KCNN3: variants seen among roughly 807,000 people sequenced by gnomAD.
KCNN3 encodes the protein small conductance calcium-activated potassium channel protein 3.
Under a neutral mutation model 62.9 loss-of-function variants are expected in KCNN3, and 16 were observed. The ratio of observed to expected loss-of-function variants is 0.25; its 90% CI spans 0.17 to 0.39. The LOEUF is 0.39. KCNN3 is among the 10% of genes least tolerant of loss of function. The pLI, the probability that KCNN3 is intolerant of heterozygous loss-of-function variation, is 1.00. For synonymous variants in KCNN3, 370 were observed against 389.2 expected, an observed-to-expected ratio of 0.95 and a Z score of 0.58; for missense variants, 599 against 949.4, an observed-to-expected ratio of 0.63 and a Z score of 4.85.
intron 5 of KCNN3, among the ~76,000 whole-genome samples, chr1:154,720,191 C>T (rs909363795): frequency 6.6e-6 from 1 of 152,300 alleles, no homozygotes; most frequent in East Asian, 1.9e-4. Flanking sequence ...CGGGGGCCCA[C>T]CCTCGCCCCT....
At chr1:154,829,044 T>C (rs1165419318) in intron 1 of KCNN3, among the ~76,000 whole-genome samples, 1 of 152,232 alleles carries the variant, frequency 6.6e-6, no homozygotes, top group African/African-American at 2.4e-5. Context: ...CTGCTGAGCC[T>C]GAATCCCATC....
intron 1 of KCNN3, among the ~76,000 whole-genome samples, chr1:154,839,186 C>T (rs989651821): frequency 6.6e-6 from 1 of 152,188 alleles, no homozygotes; most frequent in African/African-American, 2.4e-5. Flanking sequence ...GAAATGAGTG[C>T]ATAACCACGT....
At chr1:154,843,885 G>A (rs1056420974) in intron 1 of KCNN3, among the ~76,000 whole-genome samples, 1 of 152,216 alleles carries the variant, frequency 6.6e-6, no homozygotes, top group Non-Finnish European at 1.5e-5. Flanking sequence ...TGGACATGGA[G>A]GGGCGGCTGT....
Position 154,697,741 on chromosome 1 carries a change from TC to T in KCNN3, c.*10234del, listed in dbSNP as rs1699768896. The T allele has an allele frequency of 6.6e-6, 1 of 152,212 alleles. No individual in the cohort carries two copies. The highest frequency in any genetic ancestry group is 2.4e-5 in the African/African-American group (1 of 41,442). 9.4% of individuals were successfully genotyped at this position (152,212 alleles called of 1,614,324 possible). A position where few individuals can be genotyped will look rare whatever the true frequency, so the allele number is the denominator to read the frequency against. ...TCTGGACACATGTGGTCAATACACATCCTGGATCTTACAAATCCAATGGTGG... is the reference window on the plus strand; with the variant it reads ...TCTGGACACATGTGGTCAATACACATCTGGATCTTACAAATCCAATGGTGG... On this transcript the variant is annotated 3_prime_UTR_variant, in exon 8 of 8. Coordinates refer to ENST00000271915, the MANE Select transcript of KCNN3 (RefSeq NM_002249.6).
At chr1:154,760,268 T>C (rs1647938279) in intron 3 of KCNN3, among the ~76,000 whole-genome samples, 1 of 150,932 alleles carries the variant, frequency 6.6e-6, no homozygotes, top group African/African-American at 2.4e-5. Flanking sequence ...AATATAAAAG[T>C]ACGAAAAAAA....
At position 154,714,986 on chromosome 1, in the gene KCNN3, G is replaced by A; in HGVS notation, c.1719C>T (p.Ala573=). 6.2e-7 allele frequency: 1 copy of A among 1,613,648 alleles called. No homozygotes were observed. Among genetic ancestry groups the A allele is most frequent in the South Asian group, 1.1e-5 (1 of 91,080 alleles). Residue 573 remains alanine, a synonymous_variant, in exon 6 of 8, where the codon GCC becomes GCT. Transcript: ENST00000271915. ...TTAACCATGTTTCCCGAAGGACATT[G>A]GCTGCAGCATTCTTGATCTAAGGAA... ...QLTKRIKNAA[A]NVLRETWLIY...
chr1:154,838,836 T>G (rs1175557873), intron 1 of KCNN3, among the ~76,000 whole-genome samples: 1 of 152,118 alleles, frequency 6.6e-6, no homozygotes, highest in African/African-American at 2.4e-5. Context: ...CCCAGCACCT[T>G]GCACAGTGCC....
chr1:154,772,055 G>A lies in KCNN3; in HGVS notation c.1368C>T (p.Thr456=). ...NTRFVMKTLM[T]ICPGTVLLVF... ...CGAGCAGCACAGTGCCAGGGCAGAT[G>A]GTCATGAGCGTCTTCATGACAAAGC... The change falls in exon 3 of 8, where the codon ACC becomes ACT. Residue 456 remains threonine, a synonymous_variant. Transcript: ENST00000271915. This position sits in a 1 kb window ranked among gnomAD's most constrained non-coding sequence, Gnocchi z 5.6. The A allele has an allele frequency of 6.2e-6, 10 of 1,614,156 alleles. No homozygotes were observed. The highest frequency in any genetic ancestry group is 8.5e-6 in the Non-Finnish European group (10 of 1,180,024).
At chr1:154,751,449 C>T (rs1384794339) in intron 3 of KCNN3, among the ~76,000 whole-genome samples, 1 of 152,194 alleles carries the variant, frequency 6.6e-6, no homozygotes, top group Non-Finnish European at 1.5e-5. Context: ...CCAGTGGAAA[C>T]CACCTAGCAG....
At chr1:154,801,171 G>A (rs113328528) in intron 2 of KCNN3, among the ~76,000 whole-genome samples, 10 of 152,186 alleles carry the variant, frequency 6.6e-5, no homozygotes, top group South Asian at 2.1e-4. Flanking sequence ...ACAGGAGGCC[G>A]TTCAATTTTA....
intron 6 of KCNN3, among the ~76,000 whole-genome samples, chr1:154,714,129 G>T: frequency 7.1e-6 from 1 of 141,198 alleles, no homozygotes; most frequent in East Asian, 2.3e-4. Context: ...TGTGTGGGTT[G>T]TGTGTGTGGT....
At chr1:154,714,155 GTA>G (rs1491197185) in intron 6 of KCNN3, among the ~76,000 whole-genome samples, 2,082 of 130,060 alleles carry the variant, frequency 0.016, no homozygotes, top group Non-Finnish European at 0.019. Context: ...TGTGTGGTAT[GTA>G]TGGTGTGTGT....
At chr1:154,820,147 G>A (rs745393721) in intron 2 of KCNN3, among the ~76,000 whole-genome samples, 10 of 152,222 alleles carry the variant, frequency 6.6e-5, no homozygotes, top group Non-Finnish European at 1.3e-4. Flanking sequence ...ACCCAGCCAG[G>A]TTCTGGGCTG....
chr1:154,760,016 C>G (rs891501108), intron 3 of KCNN3, among the ~76,000 whole-genome samples: 2 of 151,476 alleles, frequency 1.3e-5, no homozygotes, highest in Non-Finnish European at 2.9e-5. Context: ...TCTTTTCCTT[C>G]TTTCTTTCTT....
chr1:154,783,375 G>A (rs1345534815), intron 2 of KCNN3, among the ~76,000 whole-genome samples: 1 of 152,218 alleles, frequency 6.6e-6, no homozygotes, highest in African/African-American at 2.4e-5. Context: ...ATCGTTATCT[G>A]TAATCTAGAC....
At position 154,798,308 on chromosome 1, in the gene KCNN3, C is replaced by T. The variant is rs939635723; in HGVS notation, c.1029+23781G>A. ...CCAGGCCCTATGCCAGGTGCTCTGACACACAGTGCTTGCCTGGTCCTCTCC... is the reference window on the plus strand; with the variant it reads ...CCAGGCCCTATGCCAGGTGCTCTGATACACAGTGCTTGCCTGGTCCTCTCC... On this transcript the variant is annotated intron_variant, in intron 2 of 7. Transcript: ENST00000271915. Among the ~76,000 whole-genome samples the T allele has an allele frequency of 3.9e-5, 6 of 152,364 alleles. No homozygotes were observed. The South Asian group carries it at 6.2e-4, about 16-fold the overall frequency.
At chr1:154,717,046 A>G (rs1372005613) in intron 5 of KCNN3, among the ~76,000 whole-genome samples, 1 of 152,224 alleles carries the variant, frequency 6.6e-6, no homozygotes, top group Non-Finnish European at 1.5e-5. Context: ...TTTAGGAGCA[A>G]ATGCTTCATT....
At chr1:154,717,049 G>T (rs185538820) in intron 5 of KCNN3, among the ~76,000 whole-genome samples, 1 of 152,344 alleles carries the variant, frequency 6.6e-6, no homozygotes, top group Non-Finnish European at 1.5e-5. Context: ...AGGAGCAAAT[G>T]CTTCATTATC....
intron 1 of KCNN3, among the ~76,000 whole-genome samples, chr1:154,834,653 T>C (rs1651512211): frequency 6.6e-6 from 1 of 152,196 alleles, no homozygotes; most frequent in Non-Finnish European, 1.5e-5. Context: ...TGAGTACCTG[T>C]TATATGACAG....
Sources: gnomAD v4.1 joint callset for allele counts (sites outside exome capture counted in the v4.1 genomes callset) on GRCh38, gnomAD v4.1.1 for gene constraint, Gnocchi (gnomAD v3.1) non-coding constraint, MANE v1.5 for transcripts, NCBI Gene and HGNC (gene_info 2026-07-23, HGNC 2026-07-21) for gene names.